Variants in FHIP2A observed in about 807,000 individuals in gnomAD.
FHIP2A encodes family with sequence similarity 160 member B1.
FHIP2A carries 46 observed loss-of-function variants against 93.5 expected under a neutral mutation model. The ratio of observed to expected loss-of-function variants is 0.49; its 90% CI spans 0.39 to 0.63. FHIP2A has a LOEUF of 0.63. FHIP2A is among the 20% of genes least tolerant of loss of function. The probability of loss-of-function intolerance (pLI) is 0.00; values close to 1 mark genes in which losing one functional copy is unlikely to be tolerated. For synonymous variants in FHIP2A, 332 were observed against 326.5 expected (o/e 1.02, Z -0.18); for missense variants, 769 against 909.7 (o/e 0.85, Z 1.99).
At chr10:114,881,940 G>A (rs544899453) in intron 16 of FHIP2A, among the ~76,000 whole-genome samples, 8 of 152,216 alleles carry the variant, frequency 5.3e-5, no homozygotes, top group Non-Finnish European at 8.8e-5. Context: ...GTGCACGTGC[G>A]CGTGTGTATG....
chr10:114,898,258 T>C (rs1014474273), intron 16 of FHIP2A, among the ~76,000 whole-genome samples: 3 of 152,176 alleles, frequency 2.0e-5, no homozygotes, highest in East Asian at 1.9e-4. Flanking sequence ...GAGAGTGCCA[T>C]AGGGACTCTG....
At position 114,888,642 on chromosome 10, in the gene FHIP2A, G is replaced by A. The variant is rs377583749; in HGVS notation, c.2193-10848G>A. ...TTTTGAGACAGGTTCTTGCTCTGTC[G>A]CCCAGGCTGGAGTGCAATGGTGCGA... On this transcript the variant is annotated intron_variant, in intron 16 of 16. Coordinates refer to the FHIP2A transcript ENST00000369250. 5.1e-3 allele frequency among the ~76,000 whole-genome samples: 777 copies of A among 151,818 alleles called. 6 individuals are homozygous for A. The highest frequency in any genetic ancestry group is 0.018 in the African/African-American group (735 of 41,372).
At chr10:114,835,757 A>C in intron 4 of FHIP2A, 116 bp downstream of exon 4, 1 of 653,604 alleles carries the variant, frequency 1.5e-6, no homozygotes, top group South Asian at 2.7e-5. Flanking sequence ...TTAACATGCA[A>C]GTTAGCAAAT....
intron 13 of FHIP2A, 25 bp from the exon 14 acceptor site, chr10:114,855,172 G>T (rs1191735427): frequency 6.3e-7 from 1 of 1,586,694 alleles, no homozygotes; most frequent in East Asian, 2.2e-5. Context: ...GTTCTTTAAT[G>T]ATTCACATGC....
chr10:114,848,035 A>G (rs1260185994), intron 12 of FHIP2A, among the ~76,000 whole-genome samples: 1 of 152,198 alleles, frequency 6.6e-6, no homozygotes, highest in East Asian at 1.9e-4. Flanking sequence ...TGCTGGTTTG[A>G]TAAGATGTAC....
intron 13 of FHIP2A, among the ~76,000 whole-genome samples, chr10:114,853,598 A>G (rs2083749001): frequency 6.6e-6 from 1 of 152,254 alleles, no homozygotes; most frequent in Non-Finnish European, 1.5e-5. Flanking sequence ...CCATTTTGTG[A>G]TTACAAATGC....
chr10:114,846,464 G>T (rs776516376), intron 10 of FHIP2A, 95 bp from the exon 11 acceptor site: 167 of 1,435,512 alleles, frequency 1.2e-4, no homozygotes, highest in Non-Finnish European at 1.5e-4. Flanking sequence ...CTCTTTTATT[G>T]GCTTTAGAAA....
chr10:114,899,791 C>T (rs2084018330), exon 17 of FHIP2A: 1 of 425,100 alleles, frequency 2.4e-6, no homozygotes. Context: ...ATAAAAAATA[C>T]TGTTATCAAT....
intron 1 of FHIP2A, among the ~76,000 whole-genome samples, chr10:114,828,896 G>T (rs916131601): frequency 2.0e-5 from 3 of 152,058 alleles, no homozygotes; most frequent in African/African-American, 7.2e-5. Flanking sequence ...ATATTTTCAG[G>T]TCTATTTTAT....
Position 114,876,398 on chromosome 10 carries a change from A to G in FHIP2A, c.2192+15064A>G, listed in dbSNP as rs368306304. Reference sequence around the variant, plus strand: ...AGGGTACTGCAGTCCAGACTCCATCACTGCTCAGCTCTGGTGCTTTAGGCA... The same window carrying G: ...AGGGTACTGCAGTCCAGACTCCATCGCTGCTCAGCTCTGGTGCTTTAGGCA... On this transcript the variant is annotated intron_variant, in intron 16 of 16. Coordinates refer to the FHIP2A transcript ENST00000369250. 1.3e-4 allele frequency among the ~76,000 whole-genome samples: 19 copies of G among 152,000 alleles called. No individual in the cohort carries two copies. In the East Asian group the frequency reaches 2.5e-3, roughly 20 times the overall value.
intron 3 of FHIP2A, among the ~76,000 whole-genome samples, chr10:114,835,149 A>G (rs968493892): frequency 6.6e-6 from 1 of 152,186 alleles, no homozygotes; most frequent in African/African-American, 2.4e-5. Flanking sequence ...TCATTAGTGT[A>G]AGTAACAAGA....
At chr10:114,827,568 C>A (rs1028504103) in intron 1 of FHIP2A, among the ~76,000 whole-genome samples, 1 of 152,198 alleles carries the variant, frequency 6.6e-6, no homozygotes, top group Admixed American at 6.5e-5. Flanking sequence ...GAGGCCAAGG[C>A]GGGCGGATCA....
At chr10:114,857,167 G>A (rs2083771701) in intron 14 of FHIP2A, among the ~76,000 whole-genome samples, 2 of 151,928 alleles carry the variant, frequency 1.3e-5, no homozygotes, top group African/African-American at 4.8e-5. Context: ...GGGTAAGAAC[G>A]TGGTATAGTC....
chr10:114,896,764 T>C (rs1234564500), intron 16 of FHIP2A, among the ~76,000 whole-genome samples: 1 of 152,252 alleles, frequency 6.6e-6, no homozygotes, highest in Non-Finnish European at 1.5e-5. Flanking sequence ...CCTGACCACC[T>C]AGGGCACAGG....
intron 16 of FHIP2A, among the ~76,000 whole-genome samples, chr10:114,876,883 T>C (rs2083892206): frequency 6.6e-6 from 1 of 152,202 alleles, no homozygotes; most frequent in Admixed American, 6.5e-5. Flanking sequence ...AATGTTTTGC[T>C]ATGAATTTAC....
At chr10:114,841,347 C>CAG (rs1555244481) in intron 5 of FHIP2A, among the ~76,000 whole-genome samples, 1 of 133,884 alleles carries the variant, frequency 7.5e-6, no homozygotes, top group Non-Finnish European at 1.5e-5. Flanking sequence ...GGCTGGAGTG[C>CAG]AGTGGCATGA....
At position 114,861,419 on chromosome 10, in the gene FHIP2A, G is replaced by C; in HGVS notation, c.2193-16G>C. On this transcript the variant is annotated splice_polypyrimidine_tract_variant and intron_variant, in intron 16 of 16. Transcript: ENST00000369248. Reference sequence around the variant, plus strand: ...GCTATCTTGAATTGATTTATTGTCTGTTTTTTCCTTACCAGTATTGACCAC... The same window carrying C: ...GCTATCTTGAATTGATTTATTGTCTCTTTTTTCCTTACCAGTATTGACCAC... 6.2e-7 allele frequency: 1 copy of C among 1,613,858 alleles called. No individual in the cohort carries two copies. Among genetic ancestry groups the C allele is most frequent in the Non-Finnish European group, 8.5e-7 (1 of 1,179,904 alleles).
In FHIP2A at chr10:114,863,728, T is replaced by G; in HGVS notation, c.*2188T>G. 1 of 1,292,864 alleles carries G rather than the reference T, an allele frequency of 7.7e-7. No individual in the cohort carries two copies. The allele number at this position is 1,292,864 out of a possible 1,614,324, so 80.1% of individuals were successfully genotyped here. A position where few individuals can be genotyped will look rare whatever the true frequency, so the allele number is the denominator to read the frequency against. The stretch of plus-strand genomic sequence containing the variant: ...CATTGTACTGCATCACCAGTTTTTC[T>G]TACCTTCTGTTGACAGCTGAATATT... On this transcript the variant is annotated 3_prime_UTR_variant, in exon 17 of 17. Transcript: ENST00000369248.
chr10:114,875,265 T>TTAAGCGATTGATCGTTTCTCC (rs1226339721), intron 16 of FHIP2A, among the ~76,000 whole-genome samples: 8 of 152,324 alleles, frequency 5.3e-5, no homozygotes, highest in Non-Finnish European at 1.2e-4. Context: ...TTTTTATTAC[T>TTAAGCGATTGATCGTTTCTCC]TAAGCGATTG....
Sources: allele counts gnomAD v4.1 joint callset (sites outside exome capture counted in the v4.1 genomes callset), GRCh38; gene constraint gnomAD v4.1.1; transcripts MANE v1.5; gene names NCBI Gene and HGNC (gene_info 2026-07-23, HGNC 2026-07-21).